Variants in RUNX1T1 observed in about 807,000 individuals in gnomAD.
The protein encoded by RUNX1T1 is protein CBFA2T1.
Under a neutral mutation model 62.8 loss-of-function variants are expected in RUNX1T1, and 4 were observed. The observed-to-expected ratio is 0.06, with a 90% CI of 0.03 to 0.15. The LOEUF (loss-of-function observed/expected upper bound fraction) is 0.15. RUNX1T1 is among the 10% of genes least tolerant of loss of function. The pLI is 1.00. For synonymous variants in RUNX1T1, 291 were observed against 286.0 expected, an observed-to-expected ratio of 1.02 and a Z score of -0.18; for missense variants, 508 against 754.3, an observed-to-expected ratio of 0.67 and a Z score of 3.82.
intron 10 of RUNX1T1, among the ~76,000 whole-genome samples, chr8:91,962,887 C>G (rs1165502952): frequency 6.6e-6 from 1 of 152,148 alleles, no homozygotes; most frequent in East Asian, 1.9e-4. Context: ...TTGGCAGAGG[C>G]ACGTTTTGGC....
At chr8:91,987,574 ATTC>A (rs761621757) in intron 6 of RUNX1T1, among the ~76,000 whole-genome samples, 1 of 152,190 alleles carries the variant, frequency 6.6e-6, no homozygotes, top group Admixed American at 6.5e-5. Flanking sequence ...TAAATTGGAT[ATTC>A]TTCAAAAAAA....
At chr8:92,102,866 G>A (rs1838105688), upstream of RUNX1T1, 5 of 1,522,198 alleles carry the variant, frequency 3.3e-6, no homozygotes, top group Admixed American at 8.2e-5. The surrounding 1 kb of genome is among the most constrained non-coding windows in gnomAD (Gnocchi z 4.5). Context: ...CACTGCACAG[G>A]GCCGGAGAGT....
intron 2 of RUNX1T1, 75 bp downstream of exon 2, chr8:92,075,890 T>A (rs1834349179): frequency 7.5e-7 from 1 of 1,325,852 alleles, no homozygotes; most frequent in South Asian, 1.3e-5. Flanking sequence ...ACAATTATAA[T>A]TTATTGGAAA....
downstream of RUNX1T1, chr8:91,956,084 A>G (rs1809333396): frequency 4.3e-6 from 1 of 230,152 alleles, no homozygotes; most frequent in Admixed American, 5.7e-5. Context: ...GCAACCTGAC[A>G]AGAGTCAGAG....
intron 1 of RUNX1T1, among the ~76,000 whole-genome samples, chr8:92,053,584 C>G (rs555848227): frequency 3.3e-5 from 5 of 152,252 alleles, no homozygotes; most frequent in African/African-American, 1.2e-4. Context: ...AGCTAGCCAC[C>G]AATAAAGTTG....
At chr8:92,059,782 G>A (rs1239387277) in intron 1 of RUNX1T1, among the ~76,000 whole-genome samples, 1 of 152,168 alleles carries the variant, frequency 6.6e-6, no homozygotes, top group Non-Finnish European at 1.5e-5. Flanking sequence ...GGATGGAGAT[G>A]TCTTAAGTAA....
intron 1 of RUNX1T1, among the ~76,000 whole-genome samples, chr8:92,059,193 A>G (rs1031176172): frequency 6.6e-6 from 1 of 152,204 alleles, no homozygotes; most frequent in Non-Finnish European, 1.5e-5. Flanking sequence ...AGTTGGCACA[A>G]GGGTTGTTTG....
intron 1 of RUNX1T1, among the ~76,000 whole-genome samples, chr8:92,039,871 T>C (rs1828122123): frequency 6.6e-6 from 1 of 152,114 alleles, no homozygotes; most frequent in African/African-American, 2.4e-5. Flanking sequence ...CCTTCCCTTC[T>C]TGCTCATTGA....
exon 10 of RUNX1T1, chr8:91,970,702 C>T: frequency 6.2e-7 from 1 of 1,613,182 alleles, no homozygotes; most frequent in Non-Finnish European, 8.5e-7. Context: ...AGTGCGTCCT[C>T]CGCCGCCTGC....
chr8:91,994,541 T>G, intron 5 of RUNX1T1: 1 of 489,424 alleles, frequency 2.0e-6, no homozygotes, highest in East Asian at 4.7e-5. Flanking sequence ...TCAAGAGACC[T>G]GAGATCTAGT....
At chr8:92,036,908 T>C (rs1016372438) in intron 1 of RUNX1T1, among the ~76,000 whole-genome samples, 1 of 152,206 alleles carries the variant, frequency 6.6e-6, no homozygotes, top group Non-Finnish European at 1.5e-5. Context: ...TATTGTTCCC[T>C]AGCTAAAGAT....
At chr8:92,069,278 T>G (rs1366435949) in intron 2 of RUNX1T1, among the ~76,000 whole-genome samples, 1 of 152,184 alleles carries the variant, frequency 6.6e-6, no homozygotes, top group Admixed American at 6.5e-5. Flanking sequence ...TAAACTATTT[T>G]ACACAGCAAC....
intron 5 of RUNX1T1, among the ~76,000 whole-genome samples, chr8:91,992,143 T>C (rs1317315796): frequency 6.6e-6 from 1 of 152,166 alleles, no homozygotes; most frequent in African/African-American, 2.4e-5. Flanking sequence ...TTGAAGCTCA[T>C]GTGGTTAAGT....
intron 10 of RUNX1T1, among the ~76,000 whole-genome samples, chr8:91,963,928 A>C (rs1420755469): frequency 1.3e-5 from 2 of 152,206 alleles, no homozygotes; most frequent in South Asian, 4.1e-4. Context: ...AGCAAATTTC[A>C]TTCCCAAAGC....
exon 11 of RUNX1T1, chr8:91,960,327 C>T (rs148586588): frequency 6.2e-7 from 1 of 1,612,690 alleles, no homozygotes; most frequent in Non-Finnish European, 8.5e-7. Context: ...CATCGGGCTC[C>T]CAGCCCCGCT....
chr8:92,003,709 T>G (rs1028356894), intron 5 of RUNX1T1, among the ~76,000 whole-genome samples: 2 of 152,192 alleles, frequency 1.3e-5, no homozygotes. Flanking sequence ...AAATCACCTA[T>G]TGTTGAGCCA....
chr8:92,096,239 C>T (rs371827633), intron 1 of RUNX1T1, among the ~76,000 whole-genome samples: 3 of 152,318 alleles, frequency 2.0e-5, no homozygotes, highest in South Asian at 2.1e-4. Flanking sequence ...GCTCCACCTC[C>T]AGAAATTGTG....
chr8:92,048,499 T>G (rs1829755571), intron 1 of RUNX1T1, among the ~76,000 whole-genome samples: 1 of 151,922 alleles, frequency 6.6e-6, no homozygotes, highest in Non-Finnish European at 1.5e-5. Context: ...GACAACACAG[T>G]GAGACCCCAT....
At chr8:92,035,544 T>C (rs1827261440) in intron 1 of RUNX1T1, among the ~76,000 whole-genome samples, 1 of 152,074 alleles carries the variant, frequency 6.6e-6, no homozygotes, top group African/African-American at 2.4e-5. Flanking sequence ...ATGGTCAATA[T>C]AAAGGGAGAT....
Sources: gnomAD v4.1 joint callset for allele counts (sites outside exome capture counted in the v4.1 genomes callset) on GRCh38, gnomAD v4.1.1 for gene constraint, Gnocchi (gnomAD v3.1) non-coding constraint, MANE v1.5 for transcripts, NCBI Gene and HGNC (gene_info 2026-07-23, HGNC 2026-07-21) for gene names.